MCM9: variants seen among roughly 807,000 people sequenced by gnomAD.
MCM9 encodes the protein minichromosome maintenance 9 homologous recombination repair factor.
MCM9 carries 55 observed loss-of-function variants against 72.8 expected under a neutral mutation model. That is an observed-to-expected ratio of 0.76 (90% CI 0.61 to 0.95). The LOEUF (loss-of-function observed/expected upper bound fraction) is 0.95, where lower values mean the gene tolerates loss of function less well. MCM9 is among the 40% of genes least tolerant of loss of function. MCM9 has a pLI of 0.00. For synonymous variants in MCM9, 480 were observed against 503.4 expected (o/e 0.95, Z 0.62); for missense variants, 1,279 against 1,377.0 (o/e 0.93, Z 1.13).
chr6:118,818,149 A>C (rs1414006438), intron 13 of MCM9, among the ~76,000 whole-genome samples: 1 of 152,056 alleles, frequency 6.6e-6, no homozygotes, highest in East Asian at 1.9e-4. Context: ...CCCATTTGTC[A>C]ATTTTAGCTT....
chr6:118,833,648 A>T (rs1274767796), intron 9 of MCM9, among the ~76,000 whole-genome samples: 1 of 152,214 alleles, frequency 6.6e-6, no homozygotes. Flanking sequence ...AAGAACCTTA[A>T]CTATATCATG....
In MCM9 at chr6:118,827,926, CCTT is replaced by C. The variant is rs958372124; in HGVS notation, c.1730_1732del (p.Glu577del). On this transcript the variant is annotated inframe_deletion and splice_region_variant, in exon 11 of 14. Transcript: ENST00000619706. ...AGCATCATTCGCTGAATGAAATAGA[CCTT>C]CTGCTAATCGTATCAAGCTTTCCAA... 2.0e-5 allele frequency: 31 copies of C among 1,550,694 alleles called. No homozygotes were observed. Among genetic ancestry groups the C allele is most frequent in the African/African-American group, 2.7e-5 (2 of 73,048 alleles).
intron 9 of MCM9, among the ~76,000 whole-genome samples, chr6:118,849,970 G>T (rs1322547468): frequency 6.6e-6 from 1 of 151,836 alleles, no homozygotes; most frequent in South Asian, 2.1e-4. Context: ...GTAGGGATAC[G>T]AATGTGATTT....
intron 3 of MCM9, among the ~76,000 whole-genome samples, chr6:118,924,678 T>C (rs1426229190): frequency 6.6e-6 from 1 of 152,222 alleles, no homozygotes; most frequent in African/African-American, 2.4e-5. Context: ...CCTAGCGGTT[T>C]ACCCGCAGCA....
Position 118,922,797 on chromosome 6 carries a change from C to T in MCM9, c.622-711G>A, listed in dbSNP as rs1583679186. Among the ~76,000 whole-genome samples, 3 of 151,970 alleles carry T rather than the reference C, an allele frequency of 2.0e-5. No homozygotes were observed. In the East Asian group the frequency reaches 5.8e-4, roughly 29 times the overall value. On this transcript the variant is annotated intron_variant, in intron 4 of 13. Coordinates refer to ENST00000619706, the MANE Select transcript of MCM9 (RefSeq NM_017696.3). ...CTGTAATCCCAGCACTTTGGGAGGC[C>T]GAGGTGGGTGGATCACCTGAGGTTA...
chr6:118,872,169 A>C (rs949812428), intron 8 of MCM9, among the ~76,000 whole-genome samples: 5 of 151,852 alleles, frequency 3.3e-5, no homozygotes, highest in Non-Finnish European at 7.4e-5. Context: ...TACAAAAAAA[A>C]TTAGCCACGC....
At chr6:118,816,762 CTG>C (rs1415222017) in intron 13 of MCM9, among the ~76,000 whole-genome samples, 2 of 152,180 alleles carry the variant, frequency 1.3e-5, no homozygotes, top group Non-Finnish European at 2.9e-5. Context: ...AAGTGAAAGA[CTG>C]GGGATTATGA....
intron 8 of MCM9, chr6:118,907,860 A>C: frequency 2.8e-6 from 1 of 361,508 alleles, no homozygotes. Context: ...AAGCATATAT[A>C]TTATTTTCTT....
At chr6:118,856,284 A>G in intron 9 of MCM9, 87 bp downstream of exon 9, 1 of 1,329,832 alleles carries the variant, frequency 7.5e-7, no homozygotes, top group Middle Eastern at 2.0e-4. Flanking sequence ...GACCAAACAT[A>G]CCTTATAGCT....
At chr6:118,923,469 T>A (rs1010899557) in intron 4 of MCM9, among the ~76,000 whole-genome samples, 1 of 152,216 alleles carries the variant, frequency 6.6e-6, no homozygotes, top group African/African-American at 2.4e-5. Context: ...TTTAACCATT[T>A]AAGCATTAAT....
chr6:118,826,407 G>C (rs570948423), intron 12 of MCM9, 115 bp from the exon 13 acceptor site: 1 of 1,061,814 alleles, frequency 9.4e-7, no homozygotes, highest in South Asian at 2.1e-5. Flanking sequence ...CCCCTATACT[G>C]GGTATGAAAA....
At chr6:118,872,146 T>C (rs1269430132) in intron 8 of MCM9, among the ~76,000 whole-genome samples, 1 of 151,674 alleles carries the variant, frequency 6.6e-6, no homozygotes, top group Non-Finnish European at 1.5e-5. Flanking sequence ...TGAAACCCTG[T>C]ATCTACTAAA....
intron 8 of MCM9, among the ~76,000 whole-genome samples, chr6:118,890,429 A>G (rs1778868632): frequency 6.6e-6 from 1 of 152,186 alleles, no homozygotes; most frequent in African/African-American, 2.4e-5. Context: ...GGTATTTTAA[A>G]GTTTTTTACA....
rs1583681159 is a variant in MCM9, at chr6:118,923,199, A to C, written c.621+612T>G. Among the ~76,000 whole-genome samples the C allele has an allele frequency of 2.6e-5, 4 of 152,152 alleles. No homozygotes were observed. The East Asian group carries it at 7.7e-4, about 29-fold the overall frequency. ...GCAAATGAAAATCAGGCTCACTCTT[A>C]CTTGTTAAAGAGTGTTTACAAATAC... On this transcript the variant is annotated intron_variant, in intron 4 of 13. Coordinates refer to ENST00000619706, the MANE Select transcript of MCM9 (RefSeq NM_017696.3).
chr6:118,909,445 A>G (rs1037456921), intron 8 of MCM9, among the ~76,000 whole-genome samples: 3 of 152,166 alleles, frequency 2.0e-5, no homozygotes, highest in Non-Finnish European at 2.9e-5. Flanking sequence ...AAATAGATTT[A>G]GACTTCAAAC....
chr6:118,866,682 T>A (rs1777239019), intron 8 of MCM9, among the ~76,000 whole-genome samples: 1 of 152,270 alleles, frequency 6.6e-6, no homozygotes, highest in African/African-American at 2.4e-5. Flanking sequence ...TCAAGCAATT[T>A]ATGGGGCACC....
chr6:118,905,020 T>A (rs1026796252), intron 8 of MCM9, among the ~76,000 whole-genome samples: 7 of 152,154 alleles, frequency 4.6e-5, no homozygotes, highest in African/African-American at 1.7e-4. Context: ...GTGTTTTTAA[T>A]AGAGATGGGG....
At chr6:118,829,539 T>G (rs1488202913) in intron 9 of MCM9, among the ~76,000 whole-genome samples, 1 of 152,166 alleles carries the variant, frequency 6.6e-6, no homozygotes, top group Non-Finnish European at 1.5e-5. Context: ...AACCAAACTC[T>G]TCTTAAGGGG....
chr6:118,858,167 C>T (rs1240928543), intron 8 of MCM9, among the ~76,000 whole-genome samples: 3 of 152,046 alleles, frequency 2.0e-5, no homozygotes, highest in Admixed American at 6.5e-5. Context: ...CAGATTATAG[C>T]CAAGTGAGGA....
Sources: gnomAD v4.1 joint callset for allele counts (sites outside exome capture counted in the v4.1 genomes callset) on GRCh38, gnomAD v4.1.1 for gene constraint, MANE v1.5 for transcripts, NCBI Gene and HGNC (gene_info 2026-07-23, HGNC 2026-07-21) for gene names.